Variants in MMD2 observed in about 807,000 individuals in gnomAD.
The protein encoded by MMD2 is monocyte to macrophage differentiation associated 2.
Under a neutral mutation model 33.5 loss-of-function variants are expected in MMD2, and 30 were observed. That is an observed-to-expected ratio of 0.90 (90% CI 0.67 to 1.22). MMD2 has a LOEUF of 1.22. Among genes scored for constraint, MMD2 ranks in the 50% most tolerant of loss-of-function variants. The probability of loss-of-function intolerance (pLI) is 0.00; values close to 1 mark genes in which losing one functional copy is unlikely to be tolerated. For missense variants in MMD2, 364 were observed against 325.4 expected (o/e 1.12, Z -0.91); for synonymous variants, 129 against 123.0 (o/e 1.05, Z -0.32).
At chr7:4,928,305 G>A (rs938263492) in intron 1 of MMD2, among the ~76,000 whole-genome samples, 4 of 152,174 alleles carry the variant, frequency 2.6e-5, no homozygotes, top group Non-Finnish European at 4.4e-5. Flanking sequence ...CTTTCTGTAT[G>A]CTGGCGTCAT....
At position 4,911,149 on chromosome 7, in the gene MMD2, C is replaced by T. The variant is rs1446324686; in HGVS notation, c.463G>A (p.Glu155Lys). The change falls in exon 5 of 7, where the codon GAG becomes AAG. Residue 155 changes from glutamate (E) to lysine (K), a missense_variant. Transcript: ENST00000401401. Reference protein sequence around the residue: ...VGTIYVFFFHERYKLVELLCY... With the variant: ...VGTIYVFFFHKRYKLVELLCY... ...AAGCCCCCAGGCCTGGCTTACCGCTCATGGAAGAAGAAGACATAGATGGTG... is the reference window on the plus strand; with the variant it reads ...AAGCCCCCAGGCCTGGCTTACCGCTTATGGAAGAAGAAGACATAGATGGTG... 2 of 1,579,632 alleles carry T rather than the reference C, an allele frequency of 1.3e-6. No homozygotes were observed. The highest frequency in any genetic ancestry group is 1.3e-5 in the African/African-American group (1 of 74,142).
intron 1 of MMD2, among the ~76,000 whole-genome samples, chr7:4,950,993 G>A (rs532979606): frequency 2.0e-5 from 3 of 152,028 alleles, no homozygotes; most frequent in Non-Finnish European, 4.4e-5. Context: ...GATTACAGGC[G>A]TGAGCCACAG....
chr7:4,908,304 G>C (rs1224358465), intron 6 of MMD2, among the ~76,000 whole-genome samples: 5 of 151,332 alleles, frequency 3.3e-5, no homozygotes, highest in Non-Finnish European at 7.4e-5. Context: ...ACCATGCCCG[G>C]CTAATTTTTG....
chr7:4,956,873 G>A (rs1208382173), intron 1 of MMD2, among the ~76,000 whole-genome samples: 8 of 151,928 alleles, frequency 5.3e-5, no homozygotes, highest in African/African-American at 1.7e-4. Flanking sequence ...ACCAACTTAC[G>A]TCTCACAAAA....
At chr7:4,942,284 T>TTG (rs1554273046) in intron 1 of MMD2, among the ~76,000 whole-genome samples, 1 of 148,940 alleles carries the variant, frequency 6.7e-6, no homozygotes, top group African/African-American at 2.5e-5. Flanking sequence ...TCTGTAGAGA[T>TTG]GGGGGGGGTC....
intron 4 of MMD2, among the ~76,000 whole-genome samples, chr7:4,915,107 A>G (rs1271862998): frequency 6.6e-6 from 1 of 151,530 alleles, no homozygotes; most frequent in Non-Finnish European, 1.5e-5. Flanking sequence ...ACCCATCTCT[A>G]CAAAAATAAA....
rs763554027 is a variant in MMD2, at chr7:4,909,965, A to T, written c.468-15T>A. ...CAAGCTTGTACCTGGCAGGAAGACA[A>T]GCCGTGCCGGCCTTAGGACATGCCT... On this transcript the variant is annotated splice_polypyrimidine_tract_variant and intron_variant, in intron 5 of 6. Coordinates refer to ENST00000401401, the MANE Select transcript of MMD2 (RefSeq NM_198403.4). The T allele has an allele frequency of 6.2e-7, 1 of 1,613,970 alleles. No individual in the cohort carries two copies. The highest frequency in any genetic ancestry group is 8.5e-7 in the Non-Finnish European group (1 of 1,179,898).
At chr7:4,926,997 G>C (rs1785448825) in intron 1 of MMD2, among the ~76,000 whole-genome samples, 1 of 151,672 alleles carries the variant, frequency 6.6e-6, no homozygotes, top group Non-Finnish European at 1.5e-5. Context: ...GCCTGCCTCG[G>C]CCTCCCAAAG....
chr7:4,895,767 C>A, the MMD2 span, among the ~76,000 whole-genome samples: 1,011 of 152,118 alleles, frequency 6.6e-3, 9 homozygotes, highest in Non-Finnish European at 0.011. Flanking sequence ...AACTCCTGAC[C>A]TCGTGATCTG....
At chr7:4,915,891 T>A in intron 4 of MMD2, 114 bp downstream of exon 4, 1 of 1,052,626 alleles carries the variant, frequency 9.5e-7, no homozygotes, top group Non-Finnish European at 1.4e-6. Flanking sequence ...GGGAAGCTTT[T>A]AACCTAACTC....
At chr7:4,910,628 T>C (rs928695992) in intron 5 of MMD2, among the ~76,000 whole-genome samples, 2 of 151,890 alleles carry the variant, frequency 1.3e-5, no homozygotes, top group Non-Finnish European at 2.9e-5. Flanking sequence ...CCTATGTTTT[T>C]TTGTTGTTGT....
chr7:4,931,819 C>T (rs143829975), intron 1 of MMD2, among the ~76,000 whole-genome samples: 1 of 152,080 alleles, frequency 6.6e-6, no homozygotes, highest in Non-Finnish European at 1.5e-5. Context: ...CCTCCCTTGG[C>T]CTCCCAAAGT....
At chr7:4,945,233 C>T (rs1786039153) in intron 1 of MMD2, among the ~76,000 whole-genome samples, 1 of 145,558 alleles carries the variant, frequency 6.9e-6, no homozygotes. Flanking sequence ...TCTTCTTCTT[C>T]TTCTTCCTCT....
chr7:4,945,650 C>G (rs1786054622), intron 1 of MMD2, among the ~76,000 whole-genome samples: 1 of 152,184 alleles, frequency 6.6e-6, no homozygotes, highest in East Asian at 1.9e-4. Flanking sequence ...TCTTGGCTCA[C>G]TACAGCCTCT....
rs1401445082 is a variant in MMD2, at chr7:4,906,915, A to G, written c.*481T>C. On this transcript the variant is annotated 3_prime_UTR_variant, in exon 7 of 7. Coordinates refer to ENST00000401401, the MANE Select transcript of MMD2 (RefSeq NM_198403.4). ...GGTGATGTCTGCCATGGTCACAGCC[A>G]TTCACCATCCCTCATCTTCAAGCTG... The G allele has an allele frequency of 2.0e-5, 5 of 244,214 alleles. No homozygotes were observed. The highest frequency in any genetic ancestry group is 9.8e-5 in the South Asian group (1 of 10,170). The allele number at this position is 244,214 out of a possible 1,614,324, so 15.1% of individuals were successfully genotyped here.
chr7:4,945,237 T>TTCTTCTTCTTCTTCC (rs1451038341), intron 1 of MMD2, among the ~76,000 whole-genome samples: 82 of 147,214 alleles, frequency 5.6e-4, no homozygotes, highest in African/African-American at 1.9e-3. Context: ...CTTCTTCTTC[T>TTCTTCTTCTTCTTCC]TCCTCTCTCT....
At chr7:4,943,432 C>G (rs1283227330) in intron 1 of MMD2, among the ~76,000 whole-genome samples, 1 of 152,056 alleles carries the variant, frequency 6.6e-6, no homozygotes, top group Non-Finnish European at 1.5e-5. Flanking sequence ...CGTGCGCCAC[C>G]GTGCCCAGTC....
At chr7:4,923,902 C>A (rs1339152099) in intron 2 of MMD2, among the ~76,000 whole-genome samples, 1 of 151,824 alleles carries the variant, frequency 6.6e-6, no homozygotes, top group Non-Finnish European at 1.5e-5. Flanking sequence ...GTAATCCCAG[C>A]CCTATGGGAG....
At chr7:4,949,635 C>T (rs1290526362) in intron 1 of MMD2, among the ~76,000 whole-genome samples, 5 of 151,962 alleles carry the variant, frequency 3.3e-5, no homozygotes, top group Non-Finnish European at 7.4e-5. Flanking sequence ...CCTCAGCCTC[C>T]CGAGTAGCTG....
Sources: allele counts gnomAD v4.1 joint callset (sites outside exome capture counted in the v4.1 genomes callset), GRCh38; gene constraint gnomAD v4.1.1; transcripts MANE v1.5; gene names NCBI Gene and HGNC (gene_info 2026-07-23, HGNC 2026-07-21).